The following PCDHGB6 variants were observed in gnomAD, a reference collection of about 807,000 sequenced individuals.
The protein encoded by PCDHGB6 is protocadherin gamma-B6.
Under a neutral mutation model 59.1 loss-of-function variants are expected in PCDHGB6, and 51 were observed. The observed-to-expected ratio is 0.86, with a 90% CI of 0.69 to 1.09. The LOEUF is 1.09. Among genes scored for constraint, PCDHGB6 ranks in the 50% least tolerant of loss-of-function variants. PCDHGB6 has a pLI of 0.00. For synonymous variants in PCDHGB6, 466 were observed against 495.1 expected (o/e 0.94, Z 0.78); for missense variants, 1,148 against 1,205.1 (o/e 0.95, Z 0.70).
In PCDHGB6 at chr5:141,431,159, C is replaced by A. The variant is rs1017606383; in HGVS notation, c.2418+20539C>A. On this transcript the variant is annotated intron_variant, in intron 1 of 3. Coordinates refer to ENST00000520790, the MANE Select transcript of PCDHGB6 (RefSeq NM_018926.3). The surrounding 1 kb of genome is among the most constrained non-coding windows in gnomAD (Gnocchi z 4.8). The stretch of plus-strand genomic sequence containing the variant: ...CATTAACGACAATGCGCCTTACTTT[C>A]GTGAAAGTGAATTAGAAATAAAAAT... The A allele has an allele frequency of 6.2e-7, 1 of 1,614,158 alleles. No homozygotes were observed. The highest frequency in any genetic ancestry group is 1.3e-5 in the African/African-American group (1 of 75,046).
At chr5:141,437,561 C>G (rs1228292384) in intron 1 of PCDHGB6, among the ~76,000 whole-genome samples, 1 of 152,110 alleles carries the variant, frequency 6.6e-6, no homozygotes, top group Non-Finnish European at 1.5e-5. Context: ...TGACATGTAA[C>G]AGAGTATAGC....
In PCDHGB6 at chr5:141,486,077, C is replaced by T; in HGVS notation, c.2419-8730C>T. 6.2e-7 allele frequency: 1 copy of T among 1,614,186 alleles called. No individual in the cohort carries two copies. The highest frequency in any genetic ancestry group is 8.5e-7 in the Non-Finnish European group (1 of 1,180,024). ...TAGCCTGCACCCCACTACTGGAAAG[C>T]TTACTCTTTTGGGGCCCCTAGACTT... On this transcript the variant is annotated intron_variant, in intron 1 of 3. Coordinates refer to ENST00000520790, the MANE Select transcript of PCDHGB6 (RefSeq NM_018926.3). The surrounding 1 kb of genome is among the most constrained non-coding windows in gnomAD (Gnocchi z 5.0).
rs749007839 is a variant in PCDHGB6 at position 141,418,069 on chromosome 5, G to A, written c.2418+7449G>A. On this transcript the variant is annotated intron_variant, in intron 1 of 3. Coordinates refer to ENST00000520790, the MANE Select transcript of PCDHGB6 (RefSeq NM_018926.3). ...CGGCTCGCGAGCTGCGAGTGAGCGC[G>A]GAGAAGCTGCACTTCAGCGTAGACG... 1.7e-5 allele frequency: 28 copies of A among 1,613,926 alleles called. 1 individual carries two copies. The Middle Eastern group carries it at 9.9e-4, about 57-fold the overall frequency.
At chr5:141,492,448 G>T (rs2734874) in intron 1 of PCDHGB6, among the ~76,000 whole-genome samples, 50 of 152,334 alleles carry the variant, frequency 3.3e-4, no homozygotes, top group African/African-American at 1.2e-3. Context: ...GTAGCTGATT[G>T]TGCGCGCCTG....
Position 141,485,166 on chromosome 5 carries a change from C to T in PCDHGB6, c.2419-9641C>T, listed in dbSNP as rs1180453938. 2 of 1,606,374 alleles carry T rather than the reference C, an allele frequency of 1.2e-6. No individual in the cohort carries two copies. Among genetic ancestry groups the T allele is most frequent in the Non-Finnish European group, 8.5e-7 (1 of 1,174,214 alleles). ...CAGGAGCAAGTAGAGAATTAGCGGG[C>T]GGCAGCAATGCTCCGCAAGGTGAGA... On this transcript the variant is annotated intron_variant, in intron 1 of 3. Transcript: ENST00000520790. The surrounding 1 kb of genome is among the most constrained non-coding windows in gnomAD (Gnocchi z 5.7).
At position 141,486,883 on chromosome 5, in the gene PCDHGB6, C is replaced by G. The variant is rs1234866888; in HGVS notation, c.2419-7924C>G. The G allele has an allele frequency of 1.2e-6, 2 of 1,614,214 alleles. No individual in the cohort carries two copies. ...CTCCAGCTGTGCTCCGTCCTCGGGC[C>G]CGGCCTGGTTCCTTATGTCCCCAAG... On this transcript the variant is annotated intron_variant, in intron 1 of 3. Coordinates refer to ENST00000520790, the MANE Select transcript of PCDHGB6 (RefSeq NM_018926.3). The surrounding 1 kb of genome is among the most constrained non-coding windows in gnomAD (Gnocchi z 5.0).
Position 141,419,271 on chromosome 5 carries a change from T to C in PCDHGB6, c.2418+8651T>C, listed in dbSNP as rs2096352878. 4 of 1,613,902 alleles carry C rather than the reference T, an allele frequency of 2.5e-6. No homozygotes were observed. In the South Asian group the frequency reaches 3.3e-5, roughly 13 times the overall value. ...GAAAACAACCAGCCGGGTGCCTCCA[T>C]AGCGCAAGTCAGTGCCTCTGACCCA... On this transcript the variant is annotated intron_variant, in intron 1 of 3. Transcript: ENST00000520790.
At position 141,485,680 on chromosome 5, in the gene PCDHGB6, C is replaced by A. The variant is rs1450674419; in HGVS notation, c.2419-9127C>A. The A allele has an allele frequency of 6.2e-7, 1 of 1,613,966 alleles. No individual in the cohort carries two copies. On this transcript the variant is annotated intron_variant, in intron 1 of 3. Transcript: ENST00000520790. The surrounding 1 kb of genome is among the most constrained non-coding windows in gnomAD (Gnocchi z 5.7). ...ATGTGGGGAGCAATTCGATTAGCAGCTATAGGCTGAGCTCCAATGAACACT... is the reference window on the plus strand; with the variant it reads ...ATGTGGGGAGCAATTCGATTAGCAGATATAGGCTGAGCTCCAATGAACACT...
chr5:141,497,793 G>A (rs2099779480), intron 2 of PCDHGB6, among the ~76,000 whole-genome samples: 1 of 152,180 alleles, frequency 6.6e-6, no homozygotes, highest in Admixed American at 6.5e-5. Flanking sequence ...ACCTGCTTCA[G>A]CTTCCCAAAG....
Position 141,489,999 on chromosome 5 carries a change from GA to G in PCDHGB6, c.2419-4806del. On this transcript the variant is annotated intron_variant, in intron 1 of 3. Transcript: ENST00000520790. The surrounding 1 kb of genome is among the most constrained non-coding windows in gnomAD (Gnocchi z 4.5). ...CAGTTCTACGTGTGGGAATCCCAGA[GA>G]ATGCACCCATTGGTACTCTGCTGCT... 1 of 1,614,242 alleles carries G rather than the reference GA, an allele frequency of 6.2e-7. No individual in the cohort carries two copies. Among genetic ancestry groups the G allele is most frequent in the Non-Finnish European group, 8.5e-7 (1 of 1,180,032 alleles).
intron 1 of PCDHGB6, among the ~76,000 whole-genome samples, chr5:141,439,391 G>A (rs880080): frequency 0.036 from 5,494 of 152,210 alleles, 123 homozygotes; most frequent in South Asian, 0.078. Context: ...TCATCACTTC[G>A]ACTTCATGTG....
intron 3 of PCDHGB6, 59 bp from the exon 4 acceptor site, chr5:141,510,888 A>C (rs2099883233): frequency 6.2e-7 from 1 of 1,612,646 alleles, no homozygotes. Flanking sequence ...GGGATATAAG[A>C]CAGTGACTGT....
Position 141,491,726 on chromosome 5 carries a change from C to A in PCDHGB6, c.2419-3081C>A, listed in dbSNP as rs1018940432. ...GTGAGGGGCTCGGCGCCGCCCCGGG[C>A]GACCCCTGGGGGCGGCACTGGAGAA... On this transcript the variant is annotated intron_variant, in intron 1 of 3. Coordinates refer to ENST00000520790, the MANE Select transcript of PCDHGB6 (RefSeq NM_018926.3). This position sits in a 1 kb window ranked among gnomAD's most constrained non-coding sequence, Gnocchi z 6.9. 2.2e-5 allele frequency: 36 copies of A among 1,605,766 alleles called. No individual in the cohort carries two copies. Among genetic ancestry groups the A allele is most frequent in the African/African-American group, 4.0e-5 (3 of 74,588 alleles).
At chr5:141,505,323 G>C in intron 2 of PCDHGB6, 70 bp from the exon 3 acceptor site, 1 of 1,606,758 alleles carries the variant, frequency 6.2e-7, no homozygotes, top group South Asian at 1.1e-5. Flanking sequence ...GGGAGCCCTG[G>C]GAGAGGACAG....
rs1362252002 is a variant in PCDHGB6, at chr5:141,486,112, G to C, written c.2419-8695G>C. ...TGGGGCCCCTAGACTTTGAGAGTGA[G>C]AATTACTATGAATTTGATGTGCGGG... On this transcript the variant is annotated intron_variant, in intron 1 of 3. Coordinates refer to ENST00000520790, the MANE Select transcript of PCDHGB6 (RefSeq NM_018926.3). The surrounding 1 kb of genome is among the most constrained non-coding windows in gnomAD (Gnocchi z 5.0). 6 of 1,614,166 alleles carry C rather than the reference G, an allele frequency of 3.7e-6. No individual in the cohort carries two copies. The highest frequency in any genetic ancestry group is 1.7e-6 in the Non-Finnish European group (2 of 1,180,024).
Position 141,413,696 on chromosome 5 carries a change from A to G in PCDHGB6, c.2418+3076A>G, listed in dbSNP as rs753150251. On this transcript the variant is annotated intron_variant, in intron 1 of 3. Coordinates refer to ENST00000520790, the MANE Select transcript of PCDHGB6 (RefSeq NM_018926.3). ...GTGGGCGTGAACTCCCTGCAGAGCTATCAGCTCAGCCCCAATAAGCACTTC... is the reference window on the plus strand; with the variant it reads ...GTGGGCGTGAACTCCCTGCAGAGCTGTCAGCTCAGCCCCAATAAGCACTTC... 3.1e-6 allele frequency: 5 copies of G among 1,613,522 alleles called. No homozygotes were observed. In the Admixed American group the frequency reaches 6.7e-5, roughly 22 times the overall value.
chr5:141,471,214 A>C (rs757487718), intron 1 of PCDHGB6: 2 of 149,606 alleles, frequency 1.3e-5, no homozygotes, highest in Non-Finnish European at 3.0e-5. Context: ...CATGCCTGGC[A>C]ATTTTTTTGT....
Position 141,487,491 on chromosome 5 carries a change from C to T in PCDHGB6, c.2419-7316C>T. ...GTGGGAGGCCACTCTCATGGCTGTA[C>T]ACCCTTGGCTTCTGCACCCACTCGG... is the stretch of plus-strand genomic sequence containing the variant. On this transcript the variant is annotated intron_variant, in intron 1 of 3. Transcript: ENST00000520790. This position sits in a 1 kb window ranked among gnomAD's most constrained non-coding sequence, Gnocchi z 5.0. 6.2e-7 allele frequency: 1 copy of T among 1,614,204 alleles called. No individual in the cohort carries two copies. Among genetic ancestry groups the T allele is most frequent in the Non-Finnish European group, 8.5e-7 (1 of 1,180,034 alleles).
In PCDHGB6 at chr5:141,487,107, T is replaced by C. The variant is rs1193091014; in HGVS notation, c.2419-7700T>C. 6.2e-7 allele frequency: 1 copy of C among 1,613,926 alleles called. No individual in the cohort carries two copies. The highest frequency in any genetic ancestry group is 8.5e-7 in the Non-Finnish European group (1 of 1,179,782). On this transcript the variant is annotated intron_variant, in intron 1 of 3. Transcript: ENST00000520790. This position sits in a 1 kb window ranked among gnomAD's most constrained non-coding sequence, Gnocchi z 5.0. ...GACCTCCCACCACAGAAGCTGGTCA[T>C]TGTGGTAAAGGATAGTGGTAGTCCA...
Sources: gnomAD v4.1 joint callset for allele counts (sites outside exome capture counted in the v4.1 genomes callset) on GRCh38, gnomAD v4.1.1 for gene constraint, Gnocchi (gnomAD v3.1) non-coding constraint, MANE v1.5 for transcripts, NCBI Gene and HGNC (gene_info 2026-07-23, HGNC 2026-07-21) for gene names.